TYW1B: variants seen among roughly 807,000 people sequenced by gnomAD.
TYW1B encodes tRNA-yW synthesizing protein 1 homolog B.
Under a neutral mutation model 86.9 loss-of-function variants are expected in TYW1B, and 73 were observed. The observed-to-expected ratio is 0.84, with a 90% CI of 0.70 to 1.02. The LOEUF is 1.02. Ranked by LOEUF, TYW1B falls within the 50% of genes least tolerant of loss-of-function variation. The pLI, the probability that TYW1B is intolerant of heterozygous loss-of-function variation, is 0.00. For missense variants in TYW1B, 637 were observed against 827.4 expected (o/e 0.77, Z 2.82); for synonymous variants, 248 against 292.8 (o/e 0.85, Z 1.56).
At chr7:72,616,209 A>G (rs1554436841) in intron 13 of TYW1B, among the ~76,000 whole-genome samples, 2 of 152,210 alleles carry the variant, frequency 1.3e-5, no homozygotes, top group East Asian at 1.9e-4. Context: ...CTAAAGGGGG[A>G]AAAATGGAAA....
intron 6 of TYW1B, among the ~76,000 whole-genome samples, chr7:72,791,141 C>T (rs1554473292): frequency 1.3e-5 from 2 of 152,102 alleles, no homozygotes; most frequent in South Asian, 2.1e-4. Flanking sequence ...CGCTATGGAA[C>T]GTCTGTAAAC....
At chr7:72,754,133 GTTGT>G (rs1787548305) in intron 7 of TYW1B, among the ~76,000 whole-genome samples, 2 of 151,904 alleles carry the variant, frequency 1.3e-5, no homozygotes, top group African/African-American at 4.8e-5. Context: ...CTCTACTTCT[GTTGT>G]TTGTTTTTTG....
intron 12 of TYW1B, among the ~76,000 whole-genome samples, chr7:72,618,100 G>A (rs1812120505): frequency 6.6e-6 from 1 of 151,920 alleles, no homozygotes; most frequent in Non-Finnish European, 1.5e-5. Flanking sequence ...GGAGGGAGTG[G>A]GGAGAAAGGC....
At chr7:72,768,429 T>A (rs546727061) in intron 7 of TYW1B, among the ~76,000 whole-genome samples, 63 of 151,982 alleles carry the variant, frequency 4.1e-4, no homozygotes, top group Non-Finnish European at 7.9e-4. Context: ...ACTAAAGACC[T>A]GCTATGGCAG....
intron 13 of TYW1B, among the ~76,000 whole-genome samples, chr7:72,578,114 A>AC (rs35352250): frequency 7.7e-6 from 1 of 129,202 alleles, no homozygotes; most frequent in Admixed American, 7.8e-5. Context: ...CTTCCTCACC[A>AC]TTTTTTTTTT....
intron 9 of TYW1B, among the ~76,000 whole-genome samples, chr7:72,727,252 C>A (rs1225755941): frequency 4.6e-5 from 7 of 152,126 alleles, no homozygotes; most frequent in Non-Finnish European, 8.8e-5. Context: ...TCTAAAGACT[C>A]CCATATGTGC....
At chr7:72,577,193 C>CA (rs35445348) in intron 13 of TYW1B, among the ~76,000 whole-genome samples, 24,263 of 130,456 alleles carry the variant, frequency 0.19, 2,514 homozygotes, top group East Asian at 0.58. Context: ...GTTCTAGCCA[C>CA]AAAAAAAAAA....
At chr7:72,743,365 T>G (rs1554462821) in intron 8 of TYW1B, among the ~76,000 whole-genome samples, 1 of 151,904 alleles carries the variant, frequency 6.6e-6, no homozygotes, top group Non-Finnish European at 1.5e-5. Context: ...ACAGAAGGAG[T>G]GGCGTCCCCC....
At chr7:72,639,865 C>CA (rs34283765) in intron 11 of TYW1B, among the ~76,000 whole-genome samples, 125 of 109,234 alleles carry the variant, frequency 1.1e-3, no homozygotes, top group South Asian at 4.9e-3. Context: ...GACTCCATCT[C>CA]AAAAAAAAAA....
chr7:72,813,910 G>A (rs782258612), intron 3 of TYW1B, among the ~76,000 whole-genome samples: 5 of 151,756 alleles, frequency 3.3e-5, no homozygotes, highest in African/African-American at 7.3e-5. Flanking sequence ...AGCTACTCAG[G>A]AGGCTGAGGC....
chr7:72,752,184 A>G (rs1411030352), intron 7 of TYW1B, among the ~76,000 whole-genome samples: 1 of 152,172 alleles, frequency 6.6e-6, no homozygotes, highest in Non-Finnish European at 1.5e-5. Context: ...AGAGAGTCTC[A>G]GGCCCAGCAG....
intron 6 of TYW1B, among the ~76,000 whole-genome samples, chr7:72,793,028 A>G (rs1788246181): frequency 6.6e-6 from 1 of 152,198 alleles, no homozygotes; most frequent in African/African-American, 2.4e-5. Flanking sequence ...ATTTTAAAAC[A>G]CATGTCAACA....
At chr7:72,823,492 C>T (rs542999410) in intron 2 of TYW1B, among the ~76,000 whole-genome samples, 1 of 151,862 alleles carries the variant, frequency 6.6e-6, no homozygotes, top group East Asian at 2.0e-4. Flanking sequence ...TAGTGGTGGG[C>T]GCCTATAGTC....
At chr7:72,739,039 T>C (rs1787252839) in intron 8 of TYW1B, among the ~76,000 whole-genome samples, 1 of 152,066 alleles carries the variant, frequency 6.6e-6, no homozygotes, top group Non-Finnish European at 1.5e-5. Context: ...TGAGCTATGA[T>C]TGCACCACTG....
chr7:72,735,588 G>C (rs1396291668), intron 8 of TYW1B, among the ~76,000 whole-genome samples: 1 of 136,964 alleles, frequency 7.3e-6, no homozygotes, highest in African/African-American at 2.8e-5. Context: ...AAAAAAAAAA[G>C]GCCGAGTGCA....
At chr7:72,812,151 T>A (rs1554478466) in intron 3 of TYW1B, among the ~76,000 whole-genome samples, 1 of 151,186 alleles carries the variant, frequency 6.6e-6, no homozygotes, top group East Asian at 1.9e-4. Flanking sequence ...TTTTTTTTTT[T>A]AAATCTGCAT....
rs1388573434 is a variant in TYW1B, at chr7:72,723,964, T to C, written c.1192+4858A>G. On this transcript the variant is annotated intron_variant, in intron 9 of 13. Transcript: ENST00000620995. ...AAGGGCTCTGGATTCTTACAAATTATGCACTTTACCCTTTACTAATTAGGG... is the reference window on the plus strand; with the variant it reads ...AAGGGCTCTGGATTCTTACAAATTACGCACTTTACCCTTTACTAATTAGGG... Among the ~76,000 whole-genome samples the C allele has an allele frequency of 5.2e-5, 7 of 134,724 alleles. No individual in the cohort carries two copies. In the Admixed American group the frequency reaches 5.5e-4, roughly 11 times the overall value. The allele number at this position is 134,724 out of a possible 152,430, so 88.4% of individuals were successfully genotyped here.
chr7:72,790,052 A>T (rs1252798341), intron 6 of TYW1B, among the ~76,000 whole-genome samples: 2 of 139,188 alleles, frequency 1.4e-5, no homozygotes, highest in Non-Finnish European at 3.0e-5. Context: ...GGTTCAAGGG[A>T]TTCTCCTGCC....
intron 7 of TYW1B, among the ~76,000 whole-genome samples, chr7:72,757,292 T>C (rs1428769479): frequency 6.8e-6 from 1 of 147,950 alleles, no homozygotes; most frequent in East Asian, 2.0e-4. Context: ...CGCTTGAACC[T>C]GGGAGGCGGA....
Sources: allele counts gnomAD v4.1 joint callset (sites outside exome capture counted in the v4.1 genomes callset), GRCh38; gene constraint gnomAD v4.1.1; transcripts MANE v1.5; gene names NCBI Gene and HGNC (gene_info 2026-07-23, HGNC 2026-07-21).